KCNK10: variants seen among roughly 807,000 people sequenced by gnomAD.
KCNK10 encodes potassium two pore domain channel subfamily K member 10, also known as potassium channel subfamily K member 10.
A neutral mutation model predicts 47.7 loss-of-function variants in KCNK10; 25 were observed. The observed-to-expected ratio is 0.52, with a 90% CI of 0.38 to 0.73. The LOEUF (loss-of-function observed/expected upper bound fraction) is 0.73, where lower values mean the gene tolerates loss of function less well. KCNK10 is among the 30% of genes least tolerant of loss of function. KCNK10 has a pLI of 0.00. For missense variants in KCNK10, 563 were observed against 714.5 expected, an observed-to-expected ratio of 0.79 and a Z score of 2.42; for synonymous variants, 303 against 285.6, an observed-to-expected ratio of 1.06 and a Z score of -0.61.
chr14:88,264,811 G>T (rs1422649263), intron 1 of KCNK10, among the ~76,000 whole-genome samples: 1 of 152,218 alleles, frequency 6.6e-6, no homozygotes. Flanking sequence ...GTTAGAATCA[G>T]CAACCTGGGC....
intron 1 of KCNK10, chr14:88,270,902 C>T: frequency 1.3e-6 from 1 of 760,234 alleles, no homozygotes; most frequent in Admixed American, 1.7e-5. Context: ...GTGCAGGCTC[C>T]ATGCCTTGCT....
At position 88,186,284 on chromosome 14, in the gene KCNK10, G is replaced by A; in HGVS notation, c.1012-129C>T. 2 of 1,120,702 alleles carry A rather than the reference G, an allele frequency of 1.8e-6. No homozygotes were observed. Among genetic ancestry groups the A allele is most frequent in the Non-Finnish European group, 2.5e-6 (2 of 809,764 alleles). 69.4% of individuals were successfully genotyped at this position (1,120,702 alleles called of 1,614,324 possible). A position where few individuals can be genotyped will look rare whatever the true frequency, so the allele number is the denominator to read the frequency against. On this transcript the variant is annotated intron_variant, in intron 6 of 6. Transcript: ENST00000319231. This position sits in a 1 kb window ranked among gnomAD's most constrained non-coding sequence, Gnocchi z 5.5. ...TGACGGAGCACATGCCCAGGGGGAG[G>A]TGCAAATGCTACCTTCTGCCCTAGT... is the stretch of plus-strand genomic sequence containing the variant.
chr14:88,289,266 A>T (rs1404058304), intron 1 of KCNK10, among the ~76,000 whole-genome samples: 4 of 152,158 alleles, frequency 2.6e-5, no homozygotes, highest in Non-Finnish European at 2.9e-5. Context: ...TAAAGTCACC[A>T]GGTGGTTTTT....
intron 3 of KCNK10, among the ~76,000 whole-genome samples, chr14:88,231,939 G>A (rs1304061433): frequency 6.6e-6 from 1 of 152,208 alleles, no homozygotes; most frequent in Non-Finnish European, 1.5e-5. Context: ...TTCACAAAGT[G>A]TGTCTATACA....
At chr14:88,238,709 C>T (rs957697965) in intron 3 of KCNK10, among the ~76,000 whole-genome samples, 1 of 152,182 alleles carries the variant, frequency 6.6e-6, no homozygotes, top group African/African-American at 2.4e-5. Flanking sequence ...TTTGCACTCA[C>T]AACTTTGCTA....
intron 6 of KCNK10, 50 bp downstream of exon 6, chr14:88,187,917 C>A (rs750515045): frequency 5.0e-6 from 8 of 1,605,224 alleles, no homozygotes; most frequent in South Asian, 2.2e-5. Context: ...ATTCTGGACA[C>A]AAGCTCATCT....
intron 4 of KCNK10, among the ~76,000 whole-genome samples, chr14:88,214,964 C>A (rs1184354558): frequency 6.6e-6 from 1 of 152,196 alleles, no homozygotes; most frequent in East Asian, 1.9e-4. Context: ...TAAGTCTATT[C>A]ATGCACTCTG....
At chr14:88,245,589 A>G (rs1161522423) in intron 2 of KCNK10, among the ~76,000 whole-genome samples, 1 of 152,188 alleles carries the variant, frequency 6.6e-6, no homozygotes, top group Non-Finnish European at 1.5e-5. Flanking sequence ...ATGATGACCC[A>G]CAGGGGACCA....
upstream of KCNK10, among the ~76,000 whole-genome samples, chr14:88,324,107 C>T (rs1479839481): frequency 6.6e-6 from 1 of 152,230 alleles, no homozygotes; most frequent in African/African-American, 2.4e-5. Context: ...CGGAGGAAAG[C>T]GGAGTTGCCA....
intron 1 of KCNK10, among the ~76,000 whole-genome samples, chr14:88,269,063 G>C (rs1887342894): frequency 6.6e-6 from 1 of 152,190 alleles, no homozygotes; most frequent in African/African-American, 2.4e-5. Context: ...ACTTGAACCA[G>C]GTAGGTGGAG....
At chr14:88,212,109 A>AATATATATATATATATATAT (rs34318518) in intron 4 of KCNK10, among the ~76,000 whole-genome samples, 2,495 of 132,036 alleles carry the variant, frequency 0.019, 48 homozygotes, top group East Asian at 0.048. Context: ...TGATAGTGAG[A>AATATATATATATATATATAT]ATATATATAT....
intron 3 of KCNK10, among the ~76,000 whole-genome samples, chr14:88,229,368 T>C (rs2139874966): frequency 6.6e-6 from 1 of 152,242 alleles, no homozygotes; most frequent in African/African-American, 2.4e-5. Context: ...CACTACCTGG[T>C]TCTCCTTAGA....
Position 88,227,417 on chromosome 14 carries a change from G to T in KCNK10, c.639C>A (p.Thr213=). The T allele has an allele frequency of 1.2e-6, 2 of 1,613,320 alleles. No homozygotes were observed. The change falls in exon 4 of 7, where the codon ACC becomes ACA. Residue 213 remains threonine, a synonymous_variant. Coordinates refer to ENST00000319231, the MANE Select transcript of KCNK10 (RefSeq NM_138317.3). The part of the protein sequence containing the change: ...LLAGIGDQLG[T]IFGKSIARVE... Reference sequence around the variant, plus strand: ...CTCTTGCAATGCTTTTCCCAAAGATGGTTCCAAGTTGGTCTCCAATTCCAG... The same window carrying T: ...CTCTTGCAATGCTTTTCCCAAAGATTGTTCCAAGTTGGTCTCCAATTCCAG...
chr14:88,234,217 G>A (rs763326030), intron 3 of KCNK10, among the ~76,000 whole-genome samples: 1 of 152,176 alleles, frequency 6.6e-6, no homozygotes, highest in Non-Finnish European at 1.5e-5. Context: ...GACCTAACCT[G>A]GCCTAGAGTG....
intron 4 of KCNK10, among the ~76,000 whole-genome samples, chr14:88,197,572 TAAAAAAAAAAAAAAAAAAAAAA>T (rs71417717): frequency 0.091 from 1,559 of 17,200 alleles, 124 homozygotes; most frequent in Admixed American, 0.44. Context: ...AGACTCCGAC[TAAAAAAAAAAAAAAAAAAAAAA>T]AAAAAAAAAA....
intron 1 of KCNK10, among the ~76,000 whole-genome samples, chr14:88,320,149 A>G (rs555147386): frequency 2.6e-5 from 4 of 152,238 alleles, no homozygotes; most frequent in African/African-American, 7.2e-5. Context: ...TCAAGTGCCA[A>G]ATGGAACTAT....
intron 4 of KCNK10, among the ~76,000 whole-genome samples, chr14:88,219,878 T>G (rs1286035894): frequency 2.0e-5 from 3 of 152,158 alleles, no homozygotes; most frequent in African/African-American, 7.2e-5. Flanking sequence ...TGCCTAAGGT[T>G]GAGGGACCAA....
intron 1 of KCNK10, 145 bp from the exon 2 acceptor site, chr14:88,263,696 G>C (rs1887180196): frequency 4.1e-6 from 3 of 739,062 alleles, no homozygotes; most frequent in Middle Eastern, 3.9e-4. Context: ...CCTGCAGTTA[G>C]GGAATTTGAT....
chr14:88,185,245 AG>A lies in KCNK10; in HGVS notation c.*289del. On this transcript the variant is annotated 3_prime_UTR_variant, in exon 7 of 7. Transcript: ENST00000319231. This position sits in a 1 kb window ranked among gnomAD's most constrained non-coding sequence, Gnocchi z 4.3. ...CGTGTGTGCCCAGGTAGCACTGCCC[AG>A]GGGTACAGCACTGCCACTGAAATGC... 1 of 372,854 alleles carries A rather than the reference AG, an allele frequency of 2.7e-6. No individual in the cohort carries two copies. The highest frequency in any genetic ancestry group is 6.1e-5 in the East Asian group (1 of 16,318). 23.1% of individuals were successfully genotyped at this position (372,854 alleles called of 1,614,324 possible). A position where few individuals can be genotyped will look rare whatever the true frequency, so the allele number is the denominator to read the frequency against.
Sources: gnomAD v4.1 joint callset for allele counts (sites outside exome capture counted in the v4.1 genomes callset) on GRCh38, gnomAD v4.1.1 for gene constraint, Gnocchi (gnomAD v3.1) non-coding constraint, MANE v1.5 for transcripts, NCBI Gene and HGNC (gene_info 2026-07-23, HGNC 2026-07-21) for gene names.